Variants in TAB2 observed in about 807,000 individuals in gnomAD.
TAB2 encodes the protein TGF-beta activated kinase 1 (MAP3K7) binding protein 2.
In TAB2, 3 loss-of-function variants were observed where a neutral mutation model predicts 65.0. The ratio of observed to expected loss-of-function variants is 0.05; its 90% confidence interval spans 0.02 to 0.12. The LOEUF (loss-of-function observed/expected upper bound fraction) is 0.12, where lower values mean the gene tolerates loss of function less well. Ranked by LOEUF, TAB2 falls within the 10% of genes least tolerant of loss-of-function variation. TAB2 has a pLI of 1.00. For missense variants in TAB2, 623 were observed against 840.3 expected, an observed-to-expected ratio of 0.74 and a Z score of 3.20; for synonymous variants, 298 against 285.1, an observed-to-expected ratio of 1.05 and a Z score of -0.46.
upstream of TAB2, among the ~76,000 whole-genome samples, chr6:149,316,163 C>T (rs1252247861): frequency 6.6e-6 from 1 of 152,152 alleles, no homozygotes; most frequent in Non-Finnish European, 1.5e-5. Flanking sequence ...CTAGAATCTT[C>T]CCAATTTTGT....
At chr6:149,266,207 G>T (rs1205418207) in intron 1 of TAB2, among the ~76,000 whole-genome samples, 1 of 152,200 alleles carries the variant, frequency 6.6e-6, no homozygotes, top group Non-Finnish European at 1.5e-5. Context: ...ACCGTACAAG[G>T]ACTGACCTGT....
intron 6 of TAB2, chr6:149,401,343 C>T (rs1186625242): frequency 6.1e-6 from 1 of 164,182 alleles, no homozygotes; most frequent in African/African-American, 2.4e-5. Context: ...TTTAAAGACA[C>T]ACATAGGCAG....
At chr6:149,318,163 C>T (rs1211225719) in intron 1 of TAB2, 148 bp downstream of exon 1, 2 of 152,860 alleles carry the variant, frequency 1.3e-5, no homozygotes, top group South Asian at 4.0e-4. Context: ...CTTCCTCCCT[C>T]CGCCTCTTTC....
chr6:149,258,034 T>G (rs549279987), intron 1 of TAB2, among the ~76,000 whole-genome samples: 1 of 151,994 alleles, frequency 6.6e-6, no homozygotes, highest in African/African-American at 2.4e-5. Flanking sequence ...ACTAGGGAAG[T>G]TGAGATAGCA....
chr6:149,221,580 T>C (rs184534873), intron 1 of TAB2, among the ~76,000 whole-genome samples: 51 of 152,338 alleles, frequency 3.3e-4, no homozygotes, highest in Admixed American at 1.7e-3. Flanking sequence ...GAGAGAACTC[T>C]CAAAAGCCAG....
rs896342908 is a variant in TAB2, at chr6:149,289,462, A to G, written c.-121+70686A>G. Among the ~76,000 whole-genome samples the G allele has an allele frequency of 4.6e-5, 7 of 152,052 alleles. No individual in the cohort carries two copies. In the East Asian group the frequency reaches 9.7e-4, roughly 21 times the overall value. On this transcript the variant is annotated intron_variant, in intron 1 of 1. Coordinates refer to the TAB2 transcript ENST00000606202. ...CTCATAGATCACTGGGGAGACCTTT[A>G]AAGCCAGAGACTGTGAGTCAGGGCC...
chr6:149,250,543 C>T (rs1209335854), intron 1 of TAB2, among the ~76,000 whole-genome samples: 1 of 152,126 alleles, frequency 6.6e-6, no homozygotes, highest in South Asian at 2.1e-4. Flanking sequence ...TGACCTCAGG[C>T]GATCTGCCCA....
chr6:149,263,043 G>A (rs1296137818), intron 1 of TAB2, among the ~76,000 whole-genome samples: 10 of 152,022 alleles, frequency 6.6e-5, no homozygotes, highest in East Asian at 5.8e-4. Context: ...GGCCTCAAGC[G>A]ATCCTCCTGC....
intron 3 of TAB2, among the ~76,000 whole-genome samples, chr6:149,382,141 C>A (rs1166026792): frequency 6.6e-6 from 1 of 152,194 alleles, no homozygotes; most frequent in Non-Finnish European, 1.5e-5. Context: ...TGCTTACCAC[C>A]TGCTCACTGT....
At chr6:149,245,554 T>C (rs1052145066) in intron 1 of TAB2, 2 of 152,220 alleles carry the variant, frequency 1.3e-5, no homozygotes, top group Non-Finnish European at 2.9e-5. Flanking sequence ...CATGGTTATA[T>C]AAATTATTTC....
intron 1 of TAB2, among the ~76,000 whole-genome samples, chr6:149,324,827 T>C (rs926972205): frequency 1.5e-5 from 1 of 67,580 alleles, no homozygotes; most frequent in East Asian, 2.5e-4. Context: ...AAAATATTAC[T>C]TTTTTTTTTT....
intron 1 of TAB2, among the ~76,000 whole-genome samples, chr6:149,234,985 A>T (rs73781717): frequency 0.18 from 27,973 of 152,210 alleles, 2,709 homozygotes; most frequent in East Asian, 0.29. Context: ...ATTTTCAAAA[A>T]CAATTGCAAA....
At chr6:149,369,074 T>C (rs1421018612) in intron 1 of TAB2, among the ~76,000 whole-genome samples, 1 of 152,174 alleles carries the variant, frequency 6.6e-6, no homozygotes, top group Non-Finnish European at 1.5e-5. Flanking sequence ...TGTCTTCTTA[T>C]GAAATTTGTC....
chr6:149,240,375 A>G (rs993899476), intron 1 of TAB2, among the ~76,000 whole-genome samples: 1 of 152,132 alleles, frequency 6.6e-6, no homozygotes, highest in African/African-American at 2.4e-5. Flanking sequence ...TCTATGAAAC[A>G]AGGGGGACAT....
intron 1 of TAB2, among the ~76,000 whole-genome samples, chr6:149,292,675 T>A (rs1368061508): frequency 6.6e-6 from 1 of 152,186 alleles, no homozygotes; most frequent in South Asian, 2.1e-4. Context: ...AGATGACATA[T>A]GTCAAAAAAT....
chr6:149,382,904 A>C (rs1231778335), intron 3 of TAB2, among the ~76,000 whole-genome samples: 2 of 152,228 alleles, frequency 1.3e-5, no homozygotes, highest in Non-Finnish European at 2.9e-5. Flanking sequence ...CTGAAATCCC[A>C]GCACTTTGGA....
At position 149,402,396 on chromosome 6, in the gene TAB2, TAGAA is replaced by T. The variant is rs374598305; in HGVS notation, c.1939+3216_1939+3219del. Among the ~76,000 whole-genome samples, 41 of 152,114 alleles carry T rather than the reference TAGAA, an allele frequency of 2.7e-4. No individual in the cohort carries two copies. The South Asian group carries it at 6.0e-3, about 22-fold the overall frequency. The stretch of plus-strand genomic sequence containing the variant: ...CTATTAAAGCTGAATCAAGAAGAAT[TAGAA>T]AGACTGAGTAGACCAATAACAAATA... On this transcript the variant is annotated intron_variant, in intron 6 of 6. Transcript: ENST00000637181.
At chr6:149,391,199 T>C (rs1349692838) in intron 3 of TAB2, among the ~76,000 whole-genome samples, 1 of 152,236 alleles carries the variant, frequency 6.6e-6, no homozygotes, top group Non-Finnish European at 1.5e-5. Context: ...TCCTTATCAC[T>C]GAGGAAATCT....
chr6:149,240,107 C>A (rs959878336), intron 1 of TAB2, among the ~76,000 whole-genome samples: 1 of 152,164 alleles, frequency 6.6e-6, no homozygotes, highest in African/African-American at 2.4e-5. Context: ...CCAAACTGCC[C>A]CGTTGTGCTA....
Sources: gnomAD v4.1 joint callset for allele counts (sites outside exome capture counted in the v4.1 genomes callset) on GRCh38, gnomAD v4.1.1 for gene constraint, MANE v1.5 for transcripts, NCBI Gene and HGNC (gene_info 2026-07-23, HGNC 2026-07-21) for gene names.